Variants in ZFX observed in about 807,000 individuals in gnomAD.
ZFX encodes zinc finger X-chromosomal protein.
For missense variants in ZFX, 362 were observed against 628.3 expected (o/e 0.58, Z 4.53); for synonymous variants, 196 against 226.8 (o/e 0.86, Z 1.22).
rs201852341 is a variant in ZFX at position 24,155,429 on chromosome X, GTTTA to G, written c.-29+2605_-29+2608del. ...TCAGTGTATAAATAAATATACTGTG[GTTTA>G]TTTATCTTTTCTTCTTGGAGGGACC... On this transcript the variant is annotated intron_variant, in intron 3 of 9. Transcript: ENST00000304543. Among the ~76,000 whole-genome samples the G allele has an allele frequency of 5.2e-3, 580 of 111,613 alleles. 3 individuals carry two copies. The highest frequency in any genetic ancestry group is 0.017 in the African/African-American group (522 of 30,754).
intron 3 of ZFX, among the ~76,000 whole-genome samples, chrX:24,154,203 C>T (rs1400333700): frequency 8.9e-6 from 1 of 111,806 alleles, no homozygotes; most frequent in Non-Finnish European, 1.9e-5. Context: ...AAATCAGAAT[C>T]ACCCAGATTT....
At position 24,215,573 on chromosome X, in the gene ZFX, C is replaced by G. The variant is rs1434883889; in HGVS notation, c.*4197C>G. On this transcript the variant is annotated 3_prime_UTR_variant, in exon 10 of 10. Transcript: ENST00000304543. ...AGCACTTGAGGAACCTAAAAGATGA[C>G]TGGTTCAGCATTTTGTGTGGTAGAT... The G allele has an allele frequency of 8.9e-6, 1 of 111,775 alleles. No homozygotes were observed. Among genetic ancestry groups the G allele is most frequent in the African/African-American group, 3.3e-5 (1 of 30,723 alleles). The allele number at this position is 111,775 out of a possible 1,213,427, so 9.2% of individuals were successfully genotyped here. A position where few individuals can be genotyped will look rare whatever the true frequency, so the allele number is the denominator to read the frequency against.
chrX:24,192,297 T>C lies in ZFX; in HGVS notation c.646+12527T>C, dbSNP rs549895626. 2.4e-4 allele frequency among the ~76,000 whole-genome samples: 27 copies of C among 111,712 alleles called. No individual in the cohort carries two copies. The South Asian group carries it at 0.01, about 42-fold the overall frequency. ...AATCTTGTTAAAACTTTAGAAAAGA[T>C]TTGTGTATTCATACTGCCCCTTGAG... On this transcript the variant is annotated intron_variant, in intron 5 of 9. Coordinates refer to ENST00000304543, the MANE Select transcript of ZFX (RefSeq NM_003410.4).
At chrX:24,170,711 A>G (rs1193790699) in intron 3 of ZFX, among the ~76,000 whole-genome samples, 2 of 104,071 alleles carry the variant, frequency 1.9e-5, no homozygotes, top group African/African-American at 3.5e-5. Flanking sequence ...CCCGGGTTCA[A>G]GCGATTCTCC....
chrX:24,150,441 C>T, intron 1 of ZFX: 1 of 112,641 alleles, frequency 8.9e-6, no homozygotes, highest in Non-Finnish European at 1.9e-5. Flanking sequence ...CCCTTGCCGC[C>T]ATGATGAGCG....
intron 8 of ZFX, 112 bp downstream of exon 8, chrX:24,208,482 C>A: frequency 1.1e-6 from 1 of 944,244 alleles, no homozygotes; most frequent in Non-Finnish European, 1.5e-6. Context: ...ATACCAGTAT[C>A]CTGTAAGGAT....
At chrX:24,151,267 G>T (rs773960237) in intron 1 of ZFX, among the ~76,000 whole-genome samples, 58 of 111,885 alleles carry the variant, frequency 5.2e-4, no homozygotes, top group Admixed American at 1.3e-3. Flanking sequence ...AGAGGTAGGT[G>T]GGGCAAGGTG....
chrX:24,179,582 T>G lies in ZFX; in HGVS notation c.458T>G (p.Val153Gly), dbSNP rs370343350. 1 of 1,212,292 alleles carries G rather than the reference T, an allele frequency of 8.2e-7. No homozygotes were observed. Among genetic ancestry groups the G allele is most frequent in the Non-Finnish European group, 1.1e-6 (1 of 895,664 alleles). ...DVGHVGHVGH[V>G]EHVVHDSVVE... ...GGACATGTTGGACATGTTGGACATGTTGAACATGTGGTTCATGATAGTGTA... is the reference window on the plus strand; with the variant it reads ...GGACATGTTGGACATGTTGGACATGGTGAACATGTGGTTCATGATAGTGTA... The change falls in exon 5 of 10, where the codon GTT becomes GGT. Residue 153 changes from valine (V) to glycine (G), a missense_variant. Transcript: ENST00000304543.
chrX:24,178,447 C>T (rs1246198875), intron 4 of ZFX, among the ~76,000 whole-genome samples: 1 of 109,416 alleles, frequency 9.1e-6, no homozygotes, highest in Non-Finnish European at 1.9e-5. Context: ...CGCCACCACA[C>T]CCGGCTCATT....
chrX:24,200,286 C>T (rs144083427), intron 5 of ZFX, among the ~76,000 whole-genome samples: 1,784 of 111,632 alleles, frequency 0.016, 33 homozygotes, highest in African/African-American at 0.054. Context: ...GCAGAAATGG[C>T]TCACTGCAGG....
chrX:24,175,530 CTAA>C (rs1935042992), intron 4 of ZFX: 1 of 111,391 alleles, frequency 9.0e-6, no homozygotes, highest in African/African-American at 3.3e-5. Flanking sequence ...GGTCACAAAA[CTAA>C]TAAGTGTCCT....
rs1221619230 is a variant in ZFX, at chrX:24,215,962, G to A, written c.*4586G>A. ...AAATTAAGTTTACCCTATGGATTTT[G>A]TTTCATCTTTTGTTTCGTGTATATA... On this transcript the variant is annotated 3_prime_UTR_variant, in exon 10 of 10. Transcript: ENST00000304543. The A allele has an allele frequency of 9.0e-6, 1 of 111,091 alleles. No individual in the cohort carries two copies. Among genetic ancestry groups the A allele is most frequent in the Non-Finnish European group, 1.9e-5 (1 of 52,916 alleles). 9.2% of individuals were successfully genotyped at this position (111,091 alleles called of 1,213,427 possible).
intron 3 of ZFX, among the ~76,000 whole-genome samples, chrX:24,162,588 A>T (rs1158547703): frequency 8.9e-6 from 1 of 111,795 alleles, no homozygotes; most frequent in Non-Finnish European, 1.9e-5. Flanking sequence ...GGTTTAATAG[A>T]TGTCTTTTTG....
At chrX:24,176,194 C>T (rs758204386) in intron 4 of ZFX, among the ~76,000 whole-genome samples, 28 of 104,531 alleles carry the variant, frequency 2.7e-4, no homozygotes, top group Admixed American at 2.1e-3. Flanking sequence ...CATGCGCCAC[C>T]ATGTCCGGCT....
At chrX:24,203,858 AC>A (rs1258456395) in intron 5 of ZFX, among the ~76,000 whole-genome samples, 1 of 111,454 alleles carries the variant, frequency 9.0e-6, no homozygotes, top group Non-Finnish European at 1.9e-5. Context: ...GTCATTTCAG[AC>A]TCTCATCCTC....
Position 24,196,206 on chromosome X carries a change from G to A in ZFX, c.647-11120G>A, listed in dbSNP as rs369504414. On this transcript the variant is annotated intron_variant, in intron 5 of 9. Transcript: ENST00000304543. Reference sequence around the variant, plus strand: ...CAGCTTACCACAACCTCTGCCTCCCGGGTTCAGGCGATTCTCCTGCCTCAG... The same window carrying A: ...CAGCTTACCACAACCTCTGCCTCCCAGGTTCAGGCGATTCTCCTGCCTCAG... Among the ~76,000 whole-genome samples, 11 of 110,912 alleles carry A rather than the reference G, an allele frequency of 9.9e-5. No homozygotes were observed. The East Asian group carries it at 3.1e-3, about 32-fold the overall frequency.
chrX:24,152,319 A>G (rs1932273384), intron 2 of ZFX, among the ~76,000 whole-genome samples: 1 of 109,937 alleles, frequency 9.1e-6, no homozygotes, highest in African/African-American at 3.3e-5. Context: ...TATTTTTAGT[A>G]GAGACAGGGT....
chrX:24,191,077 G>A (rs1936494307), intron 5 of ZFX, among the ~76,000 whole-genome samples: 1 of 111,750 alleles, frequency 8.9e-6, no homozygotes, highest in Non-Finnish European at 1.9e-5. Flanking sequence ...CCTGGGTAAG[G>A]GCAGGTACAG....
At chrX:24,189,642 C>G (rs1936404355) in intron 5 of ZFX, among the ~76,000 whole-genome samples, 1 of 111,467 alleles carries the variant, frequency 9.0e-6, no homozygotes, top group Non-Finnish European at 1.9e-5. Context: ...CTCTTTCATT[C>G]CATGGGCTAA....
Sources: allele counts gnomAD v4.1 joint callset (sites outside exome capture counted in the v4.1 genomes callset), GRCh38; gene constraint gnomAD v4.1.1; transcripts MANE v1.5; gene names NCBI Gene and HGNC (gene_info 2026-07-23, HGNC 2026-07-21).